FILIP1: variants seen among roughly 807,000 people sequenced by gnomAD.
FILIP1 encodes the protein filamin A interacting protein 1.
FILIP1 carries 61 observed loss-of-function variants against 102.1 expected under a neutral mutation model. That is an observed-to-expected ratio of 0.60 (90% CI 0.49 to 0.74). The LOEUF (loss-of-function observed/expected upper bound fraction) is 0.74. Among genes scored for constraint, FILIP1 ranks in the 30% least tolerant of loss-of-function variants. The pLI is 0.00. For synonymous variants in FILIP1, 491 were observed against 526.9 expected, an observed-to-expected ratio of 0.93 and a Z score of 0.93; for missense variants, 1,314 against 1,441.2, an observed-to-expected ratio of 0.91 and a Z score of 1.43.
intron 1 of FILIP1, among the ~76,000 whole-genome samples, chr6:75,485,696 C>A (rs1185996668): frequency 6.6e-6 from 1 of 151,910 alleles, no homozygotes; most frequent in Non-Finnish European, 1.5e-5. Context: ...TCCAAATAGT[C>A]AGACATTTGG....
chr6:75,401,059 C>T (rs1410777592), intron 2 of FILIP1, among the ~76,000 whole-genome samples: 1 of 152,066 alleles, frequency 6.6e-6, no homozygotes, highest in Non-Finnish European at 1.5e-5. Flanking sequence ...TTCCCCACCC[C>T]TACTATTTCC....
chr6:75,381,454 T>C (rs1775903056), intron 2 of FILIP1, among the ~76,000 whole-genome samples: 5 of 152,148 alleles, frequency 3.3e-5, no homozygotes, highest in Admixed American at 3.3e-4. Context: ...GGTCTTGAAC[T>C]CCTGACCTCG....
At chr6:75,292,103 G>A (rs1018294445) in exon 7 of FILIP1, 1 of 152,218 alleles carries the variant, frequency 6.6e-6, no homozygotes, top group Non-Finnish European at 1.5e-5. Context: ...TGGATTCAAT[G>A]AAAAATAATA....
At chr6:75,483,351 T>C (rs1477565174) in intron 1 of FILIP1, among the ~76,000 whole-genome samples, 1 of 151,926 alleles carries the variant, frequency 6.6e-6, no homozygotes, top group Non-Finnish European at 1.5e-5. Context: ...TGAGAGAAGA[T>C]AGGGGGAGGT....
chr6:75,315,165 C>A lies in FILIP1; in HGVS notation c.667G>T (p.Ala223Ser), dbSNP rs1332742268. The A allele has an allele frequency of 6.3e-7, 1 of 1,575,074 alleles. No individual in the cohort carries two copies. Among genetic ancestry groups the A allele is most frequent in the South Asian group, 1.2e-5 (1 of 83,452 alleles). Residue 223 changes from alanine (A) to serine (S), a missense_variant, in exon 5 of 6, where the codon GCC becomes TCC. This residue lies in a region of FILIP1 where 494 missense variants were observed against 511.2 expected (regional missense o/e 0.97). Transcript: ENST00000237172. ...KLLEQEKAYQARKEKENAKRL... is the reference protein window; with the variant it reads ...KLLEQEKAYQSRKEKENAKRL... Reference sequence around the variant, plus strand: ...TTAGCATTTTCCTTTTCTTTGCGGGCTTGATAAGCCTTTTCTTGTTCAAGG... The same window carrying A: ...TTAGCATTTTCCTTTTCTTTGCGGGATTGATAAGCCTTTTCTTGTTCAAGG...
intron 2 of FILIP1, among the ~76,000 whole-genome samples, chr6:75,380,741 T>C (rs938449391): frequency 6.6e-6 from 1 of 152,148 alleles, no homozygotes; most frequent in Non-Finnish European, 1.5e-5. Flanking sequence ...TAAAATATTA[T>C]ACAAGGATTA....
intron 1 of FILIP1, among the ~76,000 whole-genome samples, chr6:75,483,050 T>C (rs998991693): frequency 1.3e-5 from 2 of 152,100 alleles, no homozygotes; most frequent in African/African-American, 4.8e-5. Context: ...AAATCTGTGC[T>C]ACAGTATTTG....
At chr6:75,335,789 A>G (rs1774222358) in intron 4 of FILIP1, among the ~76,000 whole-genome samples, 1 of 152,228 alleles carries the variant, frequency 6.6e-6, no homozygotes, top group South Asian at 2.1e-4. Context: ...ACATAAGTAT[A>G]AGCCATTATG....
chr6:75,461,180 G>A (rs1779013270), intron 1 of FILIP1, among the ~76,000 whole-genome samples: 1 of 152,180 alleles, frequency 6.6e-6, no homozygotes, highest in Non-Finnish European at 1.5e-5. Context: ...CTATGTGCTA[G>A]GCATTGCTCT....
At chr6:75,431,861 A>G (rs954157001) in intron 1 of FILIP1, among the ~76,000 whole-genome samples, 2 of 152,172 alleles carry the variant, frequency 1.3e-5, no homozygotes, top group African/African-American at 4.8e-5. Flanking sequence ...ACAAATCAAA[A>G]CCTCAAAAGA....
intron 2 of FILIP1, among the ~76,000 whole-genome samples, chr6:75,390,616 C>T (rs967587273): frequency 1.3e-5 from 2 of 152,082 alleles, no homozygotes; most frequent in Admixed American, 6.6e-5. Flanking sequence ...CTCACTATCA[C>T]GAGGACAGTA....
At chr6:75,344,202 G>A (rs932048139) in intron 4 of FILIP1, among the ~76,000 whole-genome samples, 1 of 152,052 alleles carries the variant, frequency 6.6e-6, no homozygotes, top group African/African-American at 2.4e-5. Context: ...CTAGGCTACT[G>A]TTGTCCTTTC....
intron 4 of FILIP1, among the ~76,000 whole-genome samples, chr6:75,347,234 TG>T (rs1026259449): frequency 6.6e-6 from 1 of 152,232 alleles, no homozygotes; most frequent in Non-Finnish European, 1.5e-5. Flanking sequence ...CAAGTGTCCT[TG>T]GGGGAAGGAA....
chr6:75,454,305 A>G (rs966113365), intron 1 of FILIP1, among the ~76,000 whole-genome samples: 1 of 152,112 alleles, frequency 6.6e-6, no homozygotes, highest in Non-Finnish European at 1.5e-5. Flanking sequence ...AACACCAGCA[A>G]TAGTGCATTG....
At chr6:75,488,330 C>A (rs372353700) in intron 1 of FILIP1, among the ~76,000 whole-genome samples, 1 of 152,056 alleles carries the variant, frequency 6.6e-6, no homozygotes, top group Non-Finnish European at 1.5e-5. Flanking sequence ...TCTTCCACAA[C>A]GGGCTGCCTG....
intron 1 of FILIP1, among the ~76,000 whole-genome samples, chr6:75,492,201 G>T (rs989349563): frequency 6.6e-6 from 1 of 152,054 alleles, no homozygotes; most frequent in Admixed American, 6.6e-5. Context: ...TGAAATGAGT[G>T]CCCTATTTCA....
chr6:75,436,470 G>A (rs535474661), intron 1 of FILIP1, among the ~76,000 whole-genome samples: 18 of 152,290 alleles, frequency 1.2e-4, no homozygotes, highest in Admixed American at 1.0e-3. Flanking sequence ...CTAGGAACAG[G>A]AGATCTAGTG....
intron 4 of FILIP1, among the ~76,000 whole-genome samples, chr6:75,347,438 C>A (rs1462432021): frequency 6.6e-6 from 1 of 152,184 alleles, no homozygotes; most frequent in African/African-American, 2.4e-5. Flanking sequence ...CTGTTATGTT[C>A]CACATATGGA....
At chr6:75,329,775 T>C (rs1318713694) in intron 4 of FILIP1, among the ~76,000 whole-genome samples, 4 of 152,192 alleles carry the variant, frequency 2.6e-5, no homozygotes, top group Admixed American at 6.5e-5. Context: ...TTTAAATTTT[T>C]AATCTTTAAT....
Sources: allele counts gnomAD v4.1 joint callset (sites outside exome capture counted in the v4.1 genomes callset), GRCh38; gene constraint gnomAD v4.1.1; regional missense constraint gnomAD v4.1.1; transcripts MANE v1.5; gene names NCBI Gene and HGNC (gene_info 2026-07-23, HGNC 2026-07-21).